The following CNTNAP4 variants were observed in gnomAD, a reference collection of about 807,000 sequenced individuals.
CNTNAP4 encodes contactin associated protein family member 4.
In CNTNAP4, 98 loss-of-function variants were observed where a neutral mutation model predicts 148.4. The observed-to-expected ratio is 0.66, with a 90% CI of 0.56 to 0.78. The LOEUF (loss-of-function observed/expected upper bound fraction) is 0.78. Among genes scored for constraint, CNTNAP4 ranks in the 30% least tolerant of loss-of-function variants. CNTNAP4 has a pLI of 0.00. For synonymous variants in CNTNAP4, 730 were observed against 565.1 expected, an observed-to-expected ratio of 1.29 and a Z score of -4.14; for missense variants, 1,935 against 1,565.6, an observed-to-expected ratio of 1.24 and a Z score of -3.98.
In CNTNAP4 at chr16:76,522,144, T is replaced by C. The variant is rs1479076446; in HGVS notation, c.2642T>C (p.Val881Ala). 1.9e-6 allele frequency: 3 copies of C among 1,613,712 alleles called. No homozygotes were observed. The highest frequency in any genetic ancestry group is 3.3e-5 in the Admixed American group (2 of 59,958). ...FNDNQWHHVR[V>A]ERNMKEASLQ... is the part of the protein sequence containing the mutation. ...GACAACCAGTGGCACCATGTGAGGG[T>C]TGAAAGGAACATGAAGGAGGCCTCC... Residue 881 changes from valine to alanine, a missense_variant, in exon 17 of 24, where the codon GTT becomes GCT. Val to Ala is a moderately conservative substitution (Grantham distance 64). Coordinates refer to ENST00000611870, the MANE Select transcript of CNTNAP4 (RefSeq NM_033401.5).
Position 76,426,961 on chromosome 16 carries a change from C to T in CNTNAP4, c.391-491C>T, listed in dbSNP as rs902041901. ...GAGTGTAGCTCCAACTTGAATGTTG[C>T]GTGGTACTTTTCTTTATGTTAATGA... On this transcript the variant is annotated intron_variant, in intron 3 of 23. Transcript: ENST00000611870. Among the ~76,000 whole-genome samples the T allele has an allele frequency of 3.9e-5, 6 of 152,068 alleles. No individual in the cohort carries two copies. In the East Asian group the frequency reaches 5.8e-4, roughly 15 times the overall value.
At chr16:76,384,986 A>G (rs1425123791) in intron 3 of CNTNAP4, among the ~76,000 whole-genome samples, 1 of 152,192 alleles carries the variant, frequency 6.6e-6, no homozygotes, top group Admixed American at 6.5e-5. Context: ...CGGTTGCAAC[A>G]TTTTTTGAAG....
chr16:76,538,001 G>A (rs940580561), intron 18 of CNTNAP4, 115 bp from the exon 19 acceptor site: 64 of 388,128 alleles, frequency 1.6e-4, no homozygotes, highest in Admixed American at 4.0e-4. Context: ...CTATTTTGGG[G>A]TTGGTTCTTC....
In CNTNAP4 at chr16:76,558,694, T is replaced by C; in HGVS notation, c.*11T>C. ...GAGTACTTCTTCTGATTGGCAGCTA[T>C]GATTTAACATAAAATTATGATAGTT... On this transcript the variant is annotated 3_prime_UTR_variant, in exon 24 of 24. Coordinates refer to ENST00000611870, the MANE Select transcript of CNTNAP4 (RefSeq NM_033401.5). The C allele has an allele frequency of 1.9e-6, 3 of 1,585,340 alleles. No homozygotes were observed. Among genetic ancestry groups the C allele is most frequent in the Non-Finnish European group, 2.6e-6 (3 of 1,162,124 alleles).
chr16:76,480,412 T>A (rs2081782801), intron 12 of CNTNAP4, among the ~76,000 whole-genome samples: 1 of 152,166 alleles, frequency 6.6e-6, no homozygotes, highest in Admixed American at 6.5e-5. Context: ...TCTACACCGA[T>A]AATTAGAAAA....
At chr16:76,325,730 C>G (rs74400226) in intron 2 of CNTNAP4, among the ~76,000 whole-genome samples, 297 of 151,848 alleles carry the variant, frequency 2.0e-3, no homozygotes, top group Non-Finnish European at 3.3e-3. Context: ...ACAAAAAGAA[C>G]AACAAATTAA....
Position 76,558,827 on chromosome 16 carries a change from G to T in CNTNAP4, c.*144G>T. 1 of 549,602 alleles carries T rather than the reference G, an allele frequency of 1.8e-6. No individual in the cohort carries two copies. The highest frequency in any genetic ancestry group is 3.1e-6 in the Non-Finnish European group (1 of 317,792). The allele number at this position is 549,602 out of a possible 1,614,324, so 34.0% of individuals were successfully genotyped here. On this transcript the variant is annotated 3_prime_UTR_variant, in exon 24 of 24. Coordinates refer to ENST00000611870, the MANE Select transcript of CNTNAP4 (RefSeq NM_033401.5). Reference sequence around the variant, plus strand: ...TCTTGCCATGTACAGGCTTGGGGTGGCTCCAGGAAGCCTCGTCCAGTGATA... The same window carrying T: ...TCTTGCCATGTACAGGCTTGGGGTGTCTCCAGGAAGCCTCGTCCAGTGATA...
At chr16:76,424,101 T>C (rs566067424) in intron 3 of CNTNAP4, among the ~76,000 whole-genome samples, 3 of 152,280 alleles carry the variant, frequency 2.0e-5, no homozygotes, top group African/African-American at 7.2e-5. Context: ...GTATCTTATA[T>C]TTATTCTTAA....
intron 3 of CNTNAP4, among the ~76,000 whole-genome samples, chr16:76,390,641 C>G (rs945083933): frequency 1.3e-5 from 2 of 151,294 alleles, no homozygotes; most frequent in African/African-American, 4.9e-5. Flanking sequence ...ATTACTGATT[C>G]AAATTGAAAG....
At chr16:76,303,624 A>G (rs1429796603) in intron 1 of CNTNAP4, among the ~76,000 whole-genome samples, 1 of 152,180 alleles carries the variant, frequency 6.6e-6, no homozygotes, top group Non-Finnish European at 1.5e-5. Context: ...AAATAAAGAG[A>G]TGCCCATGTT....
At chr16:76,281,966 C>T (rs1958704192) in intron 1 of CNTNAP4, among the ~76,000 whole-genome samples, 1 of 151,096 alleles carries the variant, frequency 6.6e-6, no homozygotes. Context: ...GATTGTTTAC[C>T]CTCTTACTAT....
At chr16:76,313,430 A>G (rs1007256634) in intron 1 of CNTNAP4, among the ~76,000 whole-genome samples, 13 of 152,198 alleles carry the variant, frequency 8.5e-5, no homozygotes, top group Non-Finnish European at 1.5e-4. Flanking sequence ...GTGTGTGTAA[A>G]CATACATGCC....
chr16:76,491,032 C>A lies in CNTNAP4; in HGVS notation c.2080+1149C>A, dbSNP rs146370550. 1.7e-4 allele frequency among the ~76,000 whole-genome samples: 26 copies of A among 152,160 alleles called. No homozygotes were observed. In the East Asian group the frequency reaches 4.4e-3, roughly 26 times the overall value. On this transcript the variant is annotated intron_variant, in intron 13 of 23. Transcript: ENST00000611870. The stretch of plus-strand genomic sequence containing the variant: ...CAAAAACGCTGAACTGTCGTTCTGA[C>A]ATTTGAACCCTGCATTTCCGATTAA...
chr16:76,515,962 A>G (rs962084992), intron 15 of CNTNAP4, among the ~76,000 whole-genome samples: 2 of 152,198 alleles, frequency 1.3e-5, no homozygotes, highest in African/African-American at 4.8e-5. Flanking sequence ...TCTGGGATAC[A>G]TGTGCAGAAT....
intron 1 of CNTNAP4, among the ~76,000 whole-genome samples, chr16:76,307,613 C>A (rs1209907271): frequency 6.8e-6 from 1 of 147,758 alleles, no homozygotes; most frequent in Admixed American, 6.9e-5. Flanking sequence ...GGTGACATGG[C>A]GTCACATATG....
intron 1 of CNTNAP4, among the ~76,000 whole-genome samples, chr16:76,278,898 G>A (rs1597059920): frequency 6.6e-6 from 1 of 152,150 alleles, no homozygotes; most frequent in Non-Finnish European, 1.5e-5. Context: ...CCGTGATTTC[G>A]TGTTTCAGTT....
At chr16:76,296,349 G>T (rs1292405733) in intron 1 of CNTNAP4, among the ~76,000 whole-genome samples, 7 of 152,054 alleles carry the variant, frequency 4.6e-5, no homozygotes, top group Admixed American at 4.6e-4. Flanking sequence ...AAATAGTAAA[G>T]ATTAAATACA....
At chr16:76,485,678 C>T (rs1442706790) in intron 12 of CNTNAP4, among the ~76,000 whole-genome samples, 2 of 152,134 alleles carry the variant, frequency 1.3e-5, no homozygotes, top group Non-Finnish European at 2.9e-5. Context: ...CTAACAAGTA[C>T]CCCAGGTGAT....
At chr16:76,307,579 T>C (rs576033613) in intron 1 of CNTNAP4, among the ~76,000 whole-genome samples, 8 of 142,648 alleles carry the variant, frequency 5.6e-5, no homozygotes, top group African/African-American at 2.1e-4. Flanking sequence ...AGATGTTCTT[T>C]TCACTATTCC....
Sources: gnomAD v4.1 joint callset for allele counts (sites outside exome capture counted in the v4.1 genomes callset) on GRCh38, gnomAD v4.1.1 for gene constraint, MANE v1.5 for transcripts, NCBI Gene and HGNC (gene_info 2026-07-23, HGNC 2026-07-21) for gene names.